EPHA5: variants seen among roughly 807,000 people sequenced by gnomAD.
EPHA5 encodes the protein EPH receptor A5.
In EPHA5, 60 loss-of-function variants were observed where a neutral mutation model predicts 105.0. That is an observed-to-expected ratio of 0.57 (90% CI 0.46 to 0.71). EPHA5 has a LOEUF of 0.71. Ranked by LOEUF, EPHA5 falls within the 30% of genes least tolerant of loss-of-function variation. The probability of loss-of-function intolerance (pLI) is 0.00; values close to 1 mark genes in which losing one functional copy is unlikely to be tolerated. For missense variants in EPHA5, 1,218 were observed against 1,274.7 expected, an observed-to-expected ratio of 0.96 and a Z score of 0.68; for synonymous variants, 513 against 449.1, an observed-to-expected ratio of 1.14 and a Z score of -1.80.
At chr4:65,512,924 GA>G (rs57064190) in intron 3 of EPHA5, among the ~76,000 whole-genome samples, 3,946 of 146,446 alleles carry the variant, frequency 0.027, 65 homozygotes, top group African/African-American at 0.033. Flanking sequence ...GCAAAATCTG[GA>G]AAAAAAAAAC....
At chr4:65,668,820 C>T (rs1203041272) in intron 1 of EPHA5, among the ~76,000 whole-genome samples, 1 of 152,100 alleles carries the variant, frequency 6.6e-6, no homozygotes, top group South Asian at 2.1e-4. Flanking sequence ...TGGGTTTTAG[C>T]GGCAACTTCC....
intron 11 of EPHA5, among the ~76,000 whole-genome samples, chr4:65,358,594 G>A (rs193216440): frequency 7.9e-5 from 12 of 151,610 alleles, no homozygotes; most frequent in Non-Finnish European, 1.6e-4. Context: ...AGTAGGAATA[G>A]GTAATGCTTA....
At chr4:65,602,414 T>A in intron 2 of EPHA5, 110 bp from the exon 3 acceptor site, 2 of 802,944 alleles carry the variant, frequency 2.5e-6, no homozygotes, top group Non-Finnish European at 3.7e-6. Flanking sequence ...AATATTCGTA[T>A]CCTCAATATG....
intron 3 of EPHA5, among the ~76,000 whole-genome samples, chr4:65,543,085 G>A (rs1377749698): frequency 1.3e-5 from 2 of 151,918 alleles, no homozygotes; most frequent in African/African-American, 4.8e-5. Flanking sequence ...AATAATAAGA[G>A]CTATTTATTG....
intron 3 of EPHA5, among the ~76,000 whole-genome samples, chr4:65,585,834 G>A (rs1742069222): frequency 1.3e-5 from 2 of 151,528 alleles, no homozygotes; most frequent in Admixed American, 1.3e-4. Flanking sequence ...TTTTTCTACA[G>A]CAGTATGGAC....
rs2149442376 is a variant in EPHA5 at position 65,602,310 on chromosome 4, C to A, written c.247-6G>T. On this transcript the variant is annotated splice_polypyrimidine_tract_variant and splice_region_variant and intron_variant, in intron 2 of 16. Transcript: ENST00000613740. The stretch of plus-strand genomic sequence containing the variant: ...ACTTCACCAATCTCTTCCCACTGTA[C>A]AATATAAAATAGAAAGATAAAAAAA... The A allele has an allele frequency of 2.6e-6, 4 of 1,518,114 alleles. No homozygotes were observed. Among genetic ancestry groups the A allele is most frequent in the East Asian group, 2.3e-5 (1 of 43,402 alleles). The allele number at this position is 1,518,114 out of a possible 1,614,324, so 94.0% of individuals were successfully genotyped here.
At chr4:65,514,749 A>G (rs1255926317) in intron 3 of EPHA5, among the ~76,000 whole-genome samples, 1 of 152,184 alleles carries the variant, frequency 6.6e-6, no homozygotes, top group African/African-American at 2.4e-5. Flanking sequence ...ATCTCATGCC[A>G]TCAAACTATA....
At chr4:65,350,421 G>T (rs564042876) in intron 13 of EPHA5, among the ~76,000 whole-genome samples, 3 of 152,042 alleles carry the variant, frequency 2.0e-5, no homozygotes, top group Admixed American at 2.0e-4. Flanking sequence ...ACTACCAGTG[G>T]ATGTAATTTT....
intron 3 of EPHA5, chr4:65,574,278 T>C: frequency 1.3e-6 from 2 of 1,589,866 alleles, no homozygotes; most frequent in Admixed American, 1.7e-5. Context: ...CTAGTTGCGA[T>C]CTGTGTTTGC....
At chr4:65,640,928 T>C (rs1482205298) in intron 2 of EPHA5, among the ~76,000 whole-genome samples, 1 of 152,182 alleles carries the variant, frequency 6.6e-6, no homozygotes, top group East Asian at 1.9e-4. Flanking sequence ...CCCTAAGTTT[T>C]CTGGTTGGCA....
chr4:65,447,387 C>T (rs1726652289), intron 5 of EPHA5, among the ~76,000 whole-genome samples: 3 of 151,598 alleles, frequency 2.0e-5, no homozygotes. Flanking sequence ...AATTATTGCT[C>T]CTTTTGTACC....
chr4:65,657,868 C>A (rs1749205338), intron 1 of EPHA5, among the ~76,000 whole-genome samples: 2 of 130,454 alleles, frequency 1.5e-5, no homozygotes, highest in Admixed American at 8.7e-5. Context: ...GACAGGCAAG[C>A]TTTCTTCATA....
intron 2 of EPHA5, among the ~76,000 whole-genome samples, chr4:65,626,636 T>C (rs966884577): frequency 3.9e-5 from 6 of 152,232 alleles, no homozygotes; most frequent in Non-Finnish European, 8.8e-5. Flanking sequence ...TTCAAGGTTA[T>C]ATGCCATTAT....
Position 65,348,811 on chromosome 4 carries a change from A to ATT in EPHA5, c.2446-609_2446-608insAA, listed in dbSNP as rs1237822654. On this transcript the variant is annotated intron_variant, in intron 13 of 16. Transcript: ENST00000613740. ...TGTGTGTGTATATATATATATATAT[A>ATT]TATATTTTTTTTTTTTTTTTTTGAG... Among the ~76,000 whole-genome samples the ATT allele has an allele frequency of 2.6e-3, 149 of 56,398 alleles. 16 individuals carry two copies. The highest frequency in any genetic ancestry group is 3.7e-3 in the Non-Finnish European group (113 of 30,348). The allele number at this position is 56,398 out of a possible 152,430, so 37.0% of individuals were successfully genotyped here.
intron 2 of EPHA5, among the ~76,000 whole-genome samples, chr4:65,637,556 A>C (rs1215450094): frequency 2.4e-5 from 3 of 125,120 alleles, no homozygotes; most frequent in Non-Finnish European, 5.0e-5. Context: ...TATATACACA[A>C]ATATGAGTTT....
Position 65,331,855 on chromosome 4 carries a change from T to C in EPHA5, c.2945+118A>G, listed in dbSNP as rs1720647787. 16 of 1,439,664 alleles carry C rather than the reference T, an allele frequency of 1.1e-5. No individual in the cohort carries two copies. In the East Asian group the frequency reaches 3.7e-4, roughly 34 times the overall value. The allele number at this position is 1,439,664 out of a possible 1,614,324, so 89.2% of individuals were successfully genotyped here. ...CAGGCTAAAGATGATGAGGCTTCTTTGAGAGCTGCCACACATCCGCAAAGG... is the reference window on the plus strand; with the variant it reads ...CAGGCTAAAGATGATGAGGCTTCTTCGAGAGCTGCCACACATCCGCAAAGG... On this transcript the variant is annotated intron_variant, in intron 16 of 16. Transcript: ENST00000613740.
intron 2 of EPHA5, among the ~76,000 whole-genome samples, chr4:65,607,295 A>G (rs1744325054): frequency 6.6e-6 from 1 of 152,122 alleles, no homozygotes. Context: ...TAAAACACCA[A>G]AATCAATGGC....
Position 65,538,220 on chromosome 4 carries a change from AT to A in EPHA5, c.911-42678del, listed in dbSNP as rs557920906. Among the ~76,000 whole-genome samples the A allele has an allele frequency of 5.3e-5, 8 of 151,964 alleles. No individual in the cohort carries two copies. The South Asian group carries it at 1.4e-3, about 28-fold the overall frequency. On this transcript the variant is annotated intron_variant, in intron 3 of 16. Transcript: ENST00000613740. ...TATATCTAATTGCCAAATAACTTAA[AT>A]AAGTATTTCTACAAGCATCAAAACT...
chr4:65,628,814 CT>C (rs1365251858), intron 2 of EPHA5, among the ~76,000 whole-genome samples: 1 of 152,130 alleles, frequency 6.6e-6, no homozygotes, highest in Admixed American at 6.6e-5. Context: ...GATTCATTGG[CT>C]TATCGCACAT....
Sources: allele counts gnomAD v4.1 joint callset (sites outside exome capture counted in the v4.1 genomes callset), GRCh38; gene constraint gnomAD v4.1.1; transcripts MANE v1.5; gene names NCBI Gene and HGNC (gene_info 2026-07-23, HGNC 2026-07-21).